ENTHD1: variants seen among roughly 807,000 people sequenced by gnomAD.
ENTHD1 encodes ENTH domain-containing protein 1.
ENTHD1 carries 23 observed loss-of-function variants against 39.1 expected under a neutral mutation model. The ratio of observed to expected loss-of-function variants is 0.59; its 90% confidence interval spans 0.42 to 0.83. The LOEUF is 0.83. Ranked by LOEUF, ENTHD1 falls within the 40% of genes least tolerant of loss-of-function variation. The probability of loss-of-function intolerance (pLI) is 0.00; values close to 1 mark genes in which losing one functional copy is unlikely to be tolerated. For missense variants in ENTHD1, 624 were observed against 705.4 expected, an observed-to-expected ratio of 0.88 and a Z score of 1.31; for synonymous variants, 230 against 258.2, an observed-to-expected ratio of 0.89 and a Z score of 1.05.
intron 3 of ENTHD1, among the ~76,000 whole-genome samples, chr22:39,845,881 T>C (rs2065983820): frequency 6.6e-6 from 1 of 152,144 alleles, no homozygotes; most frequent in South Asian, 2.1e-4. Flanking sequence ...CGGCTTTTTT[T>C]TTCACTTTTA....
chr22:39,864,115 T>G (rs1410277570), intron 2 of ENTHD1, among the ~76,000 whole-genome samples: 1 of 152,236 alleles, frequency 6.6e-6, no homozygotes, highest in Non-Finnish European at 1.5e-5. Flanking sequence ...ATTTTAGCCT[T>G]TGGGAACAAT....
At chr22:39,847,503 A>G (rs2065999910) in intron 3 of ENTHD1, among the ~76,000 whole-genome samples, 1 of 151,668 alleles carries the variant, frequency 6.6e-6, no homozygotes, top group Admixed American at 6.6e-5. Flanking sequence ...GTACCCTAAA[A>G]CTTAAAGTAT....
intron 6 of ENTHD1, among the ~76,000 whole-genome samples, chr22:39,757,421 C>T (rs1008804732): frequency 2.6e-5 from 4 of 152,038 alleles, no homozygotes; most frequent in African/African-American, 9.7e-5. Flanking sequence ...AAGGTGTGCA[C>T]CACCATGCCA....
At chr22:39,879,444 C>CGT (rs1468183902) in intron 2 of ENTHD1, among the ~76,000 whole-genome samples, 12 of 104,758 alleles carry the variant, frequency 1.1e-4, no homozygotes, top group Non-Finnish European at 1.9e-4. Context: ...GCCTGGGTGA[C>CGT]AGAGTGAGAC....
rs1015141500 is a variant in ENTHD1, at chr22:39,887,571, T to G, written c.178A>C (p.Arg60=). Residue 60 remains arginine, a synonymous_variant, in exon 2 of 7, where the codon AGA becomes CGA. Transcript: ENST00000325157. ...LSEIMNMLWH[R]LNDHGKNWRH... ...CAGTTCTTCCCATGGTCATTGAGTCTGTGCCACAGCATATTCATAATCTCT... is the reference window on the plus strand; with the variant it reads ...CAGTTCTTCCCATGGTCATTGAGTCGGTGCCACAGCATATTCATAATCTCT... 6.2e-7 allele frequency: 1 copy of G among 1,614,242 alleles called. No homozygotes were observed. The highest frequency in any genetic ancestry group is 8.5e-7 in the Non-Finnish European group (1 of 1,180,050).
intron 4 of ENTHD1, among the ~76,000 whole-genome samples, chr22:39,833,974 C>A (rs925681912): frequency 1.3e-5 from 2 of 151,004 alleles, no homozygotes; most frequent in African/African-American, 4.9e-5. Flanking sequence ...ATTAAAAGCC[C>A]TTTATCTATA....
At chr22:39,875,907 A>G in intron 2 of ENTHD1, 3 of 1,613,980 alleles carry the variant, frequency 1.9e-6, no homozygotes, top group Non-Finnish European at 2.5e-6. Context: ...GATCGAGTAA[A>G]GAAACCTGAA....
chr22:39,763,443 A>G (rs192560559), intron 6 of ENTHD1, among the ~76,000 whole-genome samples: 1 of 152,274 alleles, frequency 6.6e-6, no homozygotes, highest in East Asian at 1.9e-4. Context: ...TGACACCTTG[A>G]AAGCTCAAAC....
At chr22:39,831,069 CA>C (rs2146668134) in intron 4 of ENTHD1, among the ~76,000 whole-genome samples, 1 of 152,286 alleles carries the variant, frequency 6.6e-6, no homozygotes, top group African/African-American at 2.4e-5. Context: ...CTGAAGGCTA[CA>C]GTGTCAATTC....
At position 39,754,280 on chromosome 22, in the gene ENTHD1, T is replaced by C. The variant is rs143034700; in HGVS notation, c.1220-9997A>G. Among the ~76,000 whole-genome samples, 345 of 152,358 alleles carry C rather than the reference T, an allele frequency of 2.3e-3. 2 individuals are homozygous for C. In the East Asian group the frequency reaches 0.034, roughly 15 times the overall value. On this transcript the variant is annotated intron_variant, in intron 6 of 6. Transcript: ENST00000325157. Reference sequence around the variant, plus strand: ...AGTTTGCCACCCACTGCCCTAATTCTATTTTGATTTAAATATCCACCCTTT... The same window carrying C: ...AGTTTGCCACCCACTGCCCTAATTCCATTTTGATTTAAATATCCACCCTTT...
chr22:39,855,220 A>G (rs551473458), intron 3 of ENTHD1, among the ~76,000 whole-genome samples: 1 of 152,374 alleles, frequency 6.6e-6, no homozygotes, highest in African/African-American at 2.4e-5. Context: ...TGACTAAGCT[A>G]AACATTCCTT....
chr22:39,783,116 C>T (rs2065423509), intron 5 of ENTHD1, among the ~76,000 whole-genome samples: 2 of 152,042 alleles, frequency 1.3e-5, no homozygotes, highest in African/African-American at 4.8e-5. Context: ...AATTCAGTAG[C>T]ACTTATATAT....
chr22:39,843,756 T>C (rs1269664012), intron 3 of ENTHD1, among the ~76,000 whole-genome samples: 1 of 152,144 alleles, frequency 6.6e-6, no homozygotes, highest in African/African-American at 2.4e-5. Flanking sequence ...GAATGGCTCT[T>C]CACAGTTGTC....
intron 6 of ENTHD1, among the ~76,000 whole-genome samples, chr22:39,746,255 C>T (rs140819734): frequency 6.6e-6 from 1 of 152,060 alleles, no homozygotes; most frequent in African/African-American, 2.4e-5. Flanking sequence ...CTTTAGCTTC[C>T]AATCCTCTCA....
In ENTHD1 at chr22:39,743,621, C is replaced by T. The variant is rs773509660; in HGVS notation, c.*58G>A. On this transcript the variant is annotated 3_prime_UTR_variant, in exon 7 of 7. Coordinates refer to ENST00000325157, the MANE Select transcript of ENTHD1 (RefSeq NM_152512.4). ...ATAATATGAATTTATACAATGCTAACGTAAGTCTTGGGGAAGTGGAACCAC... is the reference window on the plus strand; with the variant it reads ...ATAATATGAATTTATACAATGCTAATGTAAGTCTTGGGGAAGTGGAACCAC... The T allele has an allele frequency of 2.4e-5, 37 of 1,511,774 alleles. No individual in the cohort carries two copies. Among genetic ancestry groups the T allele is most frequent in the South Asian group, 5.5e-5 (4 of 72,620 alleles). The allele number at this position is 1,511,774 out of a possible 1,614,324, so 93.6% of individuals were successfully genotyped here. A position where few individuals can be genotyped will look rare whatever the true frequency, so the allele number is the denominator to read the frequency against.
intron 1 of ENTHD1, among the ~76,000 whole-genome samples, chr22:39,890,486 G>A (rs2146785668): frequency 6.6e-6 from 1 of 151,964 alleles, no homozygotes; most frequent in East Asian, 1.9e-4. Flanking sequence ...TTCTTTTAAA[G>A]CCCTGTTAGA....
chr22:39,781,436 G>A (rs1420969977), intron 5 of ENTHD1, among the ~76,000 whole-genome samples: 1 of 151,922 alleles, frequency 6.6e-6, no homozygotes, highest in Non-Finnish European at 1.5e-5. Context: ...AAATTAAGAA[G>A]GAAATTTAAA....
chr22:39,829,825 T>TAAATAAAA (rs1320866748), intron 4 of ENTHD1, among the ~76,000 whole-genome samples: 10 of 151,222 alleles, frequency 6.6e-5, no homozygotes, highest in African/African-American at 2.4e-4. Context: ...AATAAATAAA[T>TAAATAAAA]AAAATAATTT....
rs372111115 is a variant in ENTHD1 at position 39,843,354 on chromosome 22, G to A, written c.593-7396C>T. Among the ~76,000 whole-genome samples, 24 of 150,126 alleles carry A rather than the reference G, an allele frequency of 1.6e-4. No individual in the cohort carries two copies. In the East Asian group the frequency reaches 3.0e-3, roughly 19 times the overall value. On this transcript the variant is annotated intron_variant, in intron 3 of 6. Coordinates refer to ENST00000325157, the MANE Select transcript of ENTHD1 (RefSeq NM_152512.4). ...AAATAATCATTCTCAGTAAACTATCGCAAGAACAAAAAACCAAACACCACA... is the reference window on the plus strand; with the variant it reads ...AAATAATCATTCTCAGTAAACTATCACAAGAACAAAAAACCAAACACCACA...
Sources: allele counts gnomAD v4.1 joint callset (sites outside exome capture counted in the v4.1 genomes callset), GRCh38; gene constraint gnomAD v4.1.1; transcripts MANE v1.5; gene names NCBI Gene and HGNC (gene_info 2026-07-23, HGNC 2026-07-21).